The following WAPL variants were observed in gnomAD, a reference collection of about 807,000 sequenced individuals.
WAPL encodes the protein wings apart-like protein homolog.
Under a neutral mutation model 121.0 loss-of-function variants are expected in WAPL, and 5 were observed. The observed-to-expected ratio is 0.04, with a 90% confidence interval of 0.02 to 0.09. The LOEUF is 0.09. Among genes scored for constraint, WAPL ranks in the 10% least tolerant of loss-of-function variants. The probability of loss-of-function intolerance (pLI) is 1.00; values close to 1 mark genes in which losing one functional copy is unlikely to be tolerated. For synonymous variants in WAPL, 480 were observed against 481.5 expected, an observed-to-expected ratio of 1.00 and a Z score of 0.04; for missense variants, 999 against 1,410.8, an observed-to-expected ratio of 0.71 and a Z score of 4.68.
chr10:86,456,518 T>C (rs925645755), intron 12 of WAPL, among the ~76,000 whole-genome samples: 1 of 152,228 alleles, frequency 6.6e-6, no homozygotes, highest in Non-Finnish European at 1.5e-5. Context: ...CCACGATTTT[T>C]AAGTTTAATA....
chr10:86,470,253 C>A (rs1167503757), intron 8 of WAPL, among the ~76,000 whole-genome samples: 1 of 152,132 alleles, frequency 6.6e-6, no homozygotes, highest in Non-Finnish European at 1.5e-5. Context: ...AGGCTGATCT[C>A]AAACTCCTGA....
chr10:86,498,776 C>A (rs1056444415), intron 3 of WAPL, among the ~76,000 whole-genome samples: 17 of 152,190 alleles, frequency 1.1e-4, no homozygotes, highest in African/African-American at 4.1e-4. Flanking sequence ...TAACCTATTT[C>A]TTTTGTTTGT....
At chr10:86,451,863 C>G in intron 15 of WAPL, 104 bp downstream of exon 15, 1 of 1,279,926 alleles carries the variant, frequency 7.8e-7, no homozygotes, top group Non-Finnish European at 1.1e-6. Context: ...AGAGGGCCAG[C>G]AGTGGATGGG....
intron 8 of WAPL, among the ~76,000 whole-genome samples, chr10:86,470,492 C>T (rs577473466): frequency 5.3e-4 from 81 of 152,176 alleles, no homozygotes; most frequent in Middle Eastern, 6.8e-3. Flanking sequence ...AACCTAATAA[C>T]TTTTGTTATG....
At chr10:86,492,868 T>C (rs971923378) in intron 4 of WAPL, among the ~76,000 whole-genome samples, 12 of 151,996 alleles carry the variant, frequency 7.9e-5, no homozygotes, top group Non-Finnish European at 1.5e-4. Flanking sequence ...CCATCCTGGC[T>C]AACACTGTGA....
In WAPL at chr10:86,500,221, C is replaced by A. The variant is rs1004435732; in HGVS notation, c.1022G>T (p.Gly341Val). ...TCTAAAACTGGTCCCACAACTTACA[C>A]CCCCTTTCTTTGCCTGATTCAGGCC... The part of the protein sequence containing the change: ...KDGLNQAKKG[G>V]VSCGTSFRGT... The change falls in exon 3 of 19, where the codon GGT (glycine) becomes GTT (valine). Residue 341 changes from glycine (G) to valine (V), a missense_variant. Physicochemically the swap from Gly to Val is moderately radical, Grantham distance 109 (BLOSUM62 -3). Coordinates refer to ENST00000298767, the MANE Select transcript of WAPL (RefSeq NM_015045.5). 4.3e-6 allele frequency: 7 copies of A among 1,614,048 alleles called. No homozygotes were observed. The highest frequency in any genetic ancestry group is 5.9e-6 in the Non-Finnish European group (7 of 1,180,036).
In WAPL at chr10:86,459,083, GA is replaced by G; in HGVS notation, c.2581-19del. Reference sequence around the variant, plus strand: ...ACAGTTACCTAAAAAGGAAGAATATGAAATAATTGTGGCAATCCAAAACTTT... The same window carrying G: ...ACAGTTACCTAAAAAGGAAGAATATGAATAATTGTGGCAATCCAAAACTTT... On this transcript the variant is annotated intron_variant, in intron 11 of 18. Transcript: ENST00000298767. 1 of 1,590,776 alleles carries G rather than the reference GA, an allele frequency of 6.3e-7. No homozygotes were observed.
At chr10:86,442,053 G>A (rs1849483893) in intron 17 of WAPL, among the ~76,000 whole-genome samples, 1 of 151,868 alleles carries the variant, frequency 6.6e-6, no homozygotes, top group South Asian at 2.1e-4. Flanking sequence ...TTTTGAAACA[G>A]TCTCACTCTG....
rs1842681389 is a variant in WAPL at position 86,521,576 on chromosome 10, GCCGGCCGGGCCCA to G, written c.-247_-235del. On this transcript the variant is annotated 5_prime_UTR_variant, in exon 1 of 19. Coordinates refer to ENST00000298767, the MANE Select transcript of WAPL (RefSeq NM_015045.5). ...AACTTCCCTCCCCGCCTCGAGCGCC[GCCGGCCGGGCCCA>G]GGCCTAGCTCTCGCTGGCCGCCACT... 2.4e-6 allele frequency: 1 copy of G among 416,548 alleles called. No individual in the cohort carries two copies. Among genetic ancestry groups the G allele is most frequent in the South Asian group, 1.7e-5 (1 of 57,496 alleles). 25.8% of individuals were successfully genotyped at this position (416,548 alleles called of 1,614,324 possible).
chr10:86,488,416 G>A (rs965413570), intron 4 of WAPL: 2 of 152,248 alleles, frequency 1.3e-5, no homozygotes, highest in African/African-American at 4.8e-5. Flanking sequence ...AGTATAGGAT[G>A]AGCCTGGAAC....
At chr10:86,479,975 C>A (rs927680340) in intron 4 of WAPL, among the ~76,000 whole-genome samples, 27 of 152,178 alleles carry the variant, frequency 1.8e-4, no homozygotes, top group Non-Finnish European at 3.2e-4. Context: ...ATCATACAAT[C>A]TCAAATGGTC....
chr10:86,518,373 A>G (rs551871405), intron 1 of WAPL, among the ~76,000 whole-genome samples: 4 of 152,272 alleles, frequency 2.6e-5, no homozygotes, highest in Non-Finnish European at 4.4e-5. Context: ...CCATAAAGCT[A>G]ACTTAAAATG....
intron 12 of WAPL, among the ~76,000 whole-genome samples, chr10:86,456,469 G>T (rs1841148999): frequency 6.6e-6 from 1 of 150,928 alleles, no homozygotes; most frequent in Non-Finnish European, 1.5e-5. Context: ...ATCCCTAATG[G>T]GTCTAGTATT....
chr10:86,453,033 A>G (rs1466480651), intron 14 of WAPL, among the ~76,000 whole-genome samples, 187 bp downstream of exon 14: 4 of 3,114 alleles, frequency 1.3e-3, no homozygotes, highest in Admixed American at 3.6e-3. Flanking sequence ...AAAAAAAAAA[A>G]AAAAAAAAAA....
At chr10:86,500,861 T>C (rs1002002510) in intron 2 of WAPL, 118 bp from the exon 3 acceptor site, 1 of 878,384 alleles carries the variant, frequency 1.1e-6, no homozygotes, top group Non-Finnish European at 1.7e-6. Context: ...GCAAATAATT[T>C]TAAGTTGTGA....
At chr10:86,477,549 T>A (rs552802359) in intron 4 of WAPL, among the ~76,000 whole-genome samples, 20 of 152,290 alleles carry the variant, frequency 1.3e-4, no homozygotes, top group African/African-American at 4.3e-4. Context: ...ATGCCTGTAA[T>A]CCCAGCATTT....
At chr10:86,474,078 A>C in intron 4 of WAPL, 105 bp from the exon 5 acceptor site, 1 of 857,596 alleles carries the variant, frequency 1.2e-6, no homozygotes, top group Admixed American at 2.1e-5. Flanking sequence ...TAGAAACAGC[A>C]GGATGGATAC....
intron 12 of WAPL, among the ~76,000 whole-genome samples, chr10:86,455,379 A>G (rs1841116931): frequency 6.6e-6 from 1 of 151,994 alleles, no homozygotes; most frequent in Admixed American, 6.6e-5. Flanking sequence ...CTGCAAACTT[A>G]CCCCCAACCC....
chr10:86,453,296 A>G lies in WAPL; in HGVS notation c.2873T>C (p.Ile958Thr). Residue 958 changes from isoleucine to threonine, a missense_variant, in exon 14 of 19, where the codon ATA becomes ACA. This residue lies in a region of WAPL where 85 missense variants were observed against 133.5 expected (regional missense o/e 0.64). Transcript: ENST00000298767. ...AAGCACACAGTTCAGCGCTGTGCCT[A>G]TGAGACCGTCCTGCTCTCCTGTTTT... ...STKTGEQDGL[I>T]GTALNCVLQV... 1.2e-6 allele frequency: 2 copies of G among 1,614,182 alleles called. No individual in the cohort carries two copies. The highest frequency in any genetic ancestry group is 1.7e-6 in the Non-Finnish European group (2 of 1,180,028).
Sources: allele counts gnomAD v4.1 joint callset (sites outside exome capture counted in the v4.1 genomes callset), GRCh38; gene constraint gnomAD v4.1.1; regional missense constraint gnomAD v4.1.1; transcripts MANE v1.5; gene names NCBI Gene and HGNC (gene_info 2026-07-23, HGNC 2026-07-21).